Variants in TASP1 observed in about 807,000 individuals in gnomAD.
TASP1 encodes taspase 1.
A neutral mutation model predicts 56.6 loss-of-function variants in TASP1; 16 were observed. The ratio of observed to expected loss-of-function variants is 0.28; its 90% CI spans 0.19 to 0.43. TASP1 has a LOEUF of 0.43. Among genes scored for constraint, TASP1 ranks in the 20% least tolerant of loss-of-function variants. The pLI, the probability that TASP1 is intolerant of heterozygous loss-of-function variation, is 1.00. For missense variants in TASP1, 393 were observed against 511.6 expected, an observed-to-expected ratio of 0.77 and a Z score of 2.24; for synonymous variants, 179 against 184.2, an observed-to-expected ratio of 0.97 and a Z score of 0.23.
At chr20:13,597,863 T>C (rs188723092) in intron 4 of TASP1, among the ~76,000 whole-genome samples, 1 of 152,192 alleles carries the variant, frequency 6.6e-6, no homozygotes, top group East Asian at 1.9e-4. Context: ...TGTGCAAAAA[T>C]CACAAGCATT....
chr20:13,528,502 A>G lies in TASP1; in HGVS notation c.805T>C (p.Tyr269His). Reference sequence around the variant, plus strand: ...TTTTCAGCCCAGCAGCCACATCCATAAAGAGCAGCCTGGGGAAAAAAGAAA... The same window carrying G: ...TTTTCAGCCCAGCAGCCACATCCATGAAGAGCAGCCTGGGGAAAAAAGAAA... Reference protein sequence around the residue: ...HPGRVGQAALYGCGCWAENTG... With the variant: ...HPGRVGQAALHGCGCWAENTG... Residue 269 changes from tyrosine to histidine, a missense_variant, in exon 10 of 14, where the codon TAT becomes CAT. Transcript: ENST00000337743. 6.2e-7 allele frequency: 1 copy of G among 1,609,240 alleles called. No homozygotes were observed. The highest frequency in any genetic ancestry group is 8.5e-7 in the Non-Finnish European group (1 of 1,177,358).
chr20:13,630,366 T>C (rs938970048), intron 1 of TASP1, among the ~76,000 whole-genome samples: 1 of 152,154 alleles, frequency 6.6e-6, no homozygotes, highest in Non-Finnish European at 1.5e-5. Context: ...ATAAAAAGGT[T>C]AGAATTTAAA....
the TASP1 span, among the ~76,000 whole-genome samples, chr20:13,258,037 T>C: frequency 6.6e-6 from 1 of 152,162 alleles, no homozygotes; most frequent in Non-Finnish European, 1.5e-5. Context: ...CTACCTCACA[T>C]GGATGTCATG....
intron 4 of TASP1, among the ~76,000 whole-genome samples, chr20:13,613,167 G>A (rs73899350): frequency 6.6e-6 from 1 of 152,070 alleles, no homozygotes; most frequent in Non-Finnish European, 1.5e-5. Flanking sequence ...AGCCACAAGA[G>A]GATTAATAAT....
the TASP1 span, among the ~76,000 whole-genome samples, chr20:13,267,629 A>G: frequency 6.6e-6 from 1 of 152,152 alleles, no homozygotes; most frequent in Non-Finnish European, 1.5e-5. Flanking sequence ...GTGGTGGTGA[A>G]TTTCCTACCA....
the TASP1 span, among the ~76,000 whole-genome samples, chr20:13,105,865 T>C: frequency 6.6e-6 from 1 of 152,152 alleles, no homozygotes; most frequent in Non-Finnish European, 1.5e-5. Flanking sequence ...ATTATAGACA[T>C]AATAAATAAA....
chr20:13,356,640 G>C, the TASP1 span, among the ~76,000 whole-genome samples: 6 of 152,182 alleles, frequency 3.9e-5, no homozygotes, highest in Non-Finnish European at 7.4e-5. Context: ...CAAAGCATGA[G>C]ATGCTCTAGA....
chr20:13,356,989 C>T, the TASP1 span, among the ~76,000 whole-genome samples: 1 of 152,256 alleles, frequency 6.6e-6, no homozygotes, highest in East Asian at 1.9e-4. Context: ...TCTGTTAGCC[C>T]CTTTTCCAGT....
At chr20:13,402,617 G>A (rs2041779403) in intron 13 of TASP1, among the ~76,000 whole-genome samples, 1 of 152,194 alleles carries the variant, frequency 6.6e-6, no homozygotes, top group Admixed American at 6.5e-5. Flanking sequence ...GGGATCAGAT[G>A]CCTTTAGTTG....
chr20:13,147,490 T>C, the TASP1 span, among the ~76,000 whole-genome samples: 15 of 152,200 alleles, frequency 9.9e-5, no homozygotes, highest in South Asian at 4.2e-4. Context: ...GAAACTTTAC[T>C]CCAAGGTCTC....
intron 1 of TASP1, among the ~76,000 whole-genome samples, chr20:13,636,790 T>A (rs1285701392): frequency 1.3e-5 from 2 of 152,170 alleles, no homozygotes; most frequent in Non-Finnish European, 2.9e-5. Context: ...AGTCCTTTCA[T>A]CAAATGATGC....
chr20:13,606,204 G>T (rs60256861), intron 4 of TASP1, among the ~76,000 whole-genome samples: 2 of 152,040 alleles, frequency 1.3e-5, no homozygotes, highest in African/African-American at 2.4e-5. Context: ...ACAGTGATTA[G>T]TATTATAAAG....
At chr20:13,113,390 C>A in the TASP1 span, among the ~76,000 whole-genome samples, 3 of 152,168 alleles carry the variant, frequency 2.0e-5, no homozygotes, top group Admixed American at 2.0e-4. Context: ...GTAAAGCACC[C>A]CCACATACAT....
intron 4 of TASP1, among the ~76,000 whole-genome samples, chr20:13,587,753 T>C (rs1739777340): frequency 6.7e-6 from 1 of 150,056 alleles, no homozygotes; most frequent in Non-Finnish European, 1.5e-5. Flanking sequence ...AAAAAAGGCA[T>C]CTGACAAAAT....
the TASP1 span, among the ~76,000 whole-genome samples, chr20:13,251,819 G>T: frequency 0.015 from 2,238 of 152,250 alleles, 38 homozygotes; most frequent in Non-Finnish European, 0.018. Context: ...CGCCACTGGG[G>T]AGGGTGAGCA....
At chr20:13,525,007 CTGA>C (rs1311411796) in intron 10 of TASP1, among the ~76,000 whole-genome samples, 1 of 152,190 alleles carries the variant, frequency 6.6e-6, no homozygotes, top group Non-Finnish European at 1.5e-5. Flanking sequence ...ATACTTCTCA[CTGA>C]TGAGACATCC....
the TASP1 span, among the ~76,000 whole-genome samples, chr20:13,132,051 C>A: frequency 1.3e-5 from 2 of 152,080 alleles, no homozygotes; most frequent in Non-Finnish European, 2.9e-5. Flanking sequence ...TCTGACCTAT[C>A]GGCATAGCCC....
intron 4 of TASP1, among the ~76,000 whole-genome samples, chr20:13,604,407 G>T (rs1362472637): frequency 6.6e-6 from 1 of 152,098 alleles, no homozygotes; most frequent in East Asian, 1.9e-4. Flanking sequence ...CTCACCATGT[G>T]ATATACCGAC....
the TASP1 span, among the ~76,000 whole-genome samples, chr20:13,284,950 G>A: frequency 6.6e-6 from 1 of 152,196 alleles, no homozygotes; most frequent in Non-Finnish European, 1.5e-5. Flanking sequence ...TTTTAGGGAG[G>A]ATTTTATGGG....
Sources: gnomAD v4.1 joint callset for allele counts (sites outside exome capture counted in the v4.1 genomes callset) on GRCh38, gnomAD v4.1.1 for gene constraint, MANE v1.5 for transcripts, NCBI Gene and HGNC (gene_info 2026-07-23, HGNC 2026-07-21) for gene names.